LDAF1: variants seen among roughly 807,000 people sequenced by gnomAD.
LDAF1 encodes the protein PROMETHIN.
LDAF1 carries 7 observed loss-of-function variants against 13.5 expected under a neutral mutation model. The observed-to-expected ratio is 0.52, with a 90% CI of 0.29 to 0.97. LDAF1 has a LOEUF of 0.97. Among genes scored for constraint, LDAF1 ranks in the 50% least tolerant of loss-of-function variants. The pLI, the probability that LDAF1 is intolerant of heterozygous loss-of-function variation, is 0.07. For missense variants in LDAF1, 148 were observed against 193.2 expected (o/e 0.77, Z 1.39); for synonymous variants, 69 against 77.1 (o/e 0.89, Z 0.55).
intron 3 of LDAF1, 30 bp from the exon 4 acceptor site, chr16:21,173,980 A>G: frequency 6.3e-7 from 1 of 1,599,734 alleles, no homozygotes; most frequent in Non-Finnish European, 8.5e-7. Flanking sequence ...TTTGAGATGA[A>G]CCCTTCTCCT....
chr16:21,179,152 G>C (rs944986165), intron 4 of LDAF1, among the ~76,000 whole-genome samples: 1 of 152,112 alleles, frequency 6.6e-6, no homozygotes, highest in Non-Finnish European at 1.5e-5. Flanking sequence ...TTCAGTTTTT[G>C]TCCATTGGTA....
intron 4 of LDAF1, 86 bp downstream of exon 4, chr16:21,174,234 G>C (rs2093118907): frequency 7.7e-7 from 1 of 1,305,906 alleles, no homozygotes; most frequent in Non-Finnish European, 1.0e-6. Context: ...CTGTCACTCA[G>C]GCTGGAGTGC....
chr16:21,159,113 G>A (rs1007135457), intron 1 of LDAF1, among the ~76,000 whole-genome samples: 3 of 151,784 alleles, frequency 2.0e-5, no homozygotes. Flanking sequence ...AAGACGTCGA[G>A]GCAAACCTCC....
At chr16:21,164,179 C>T (rs116568560) in intron 2 of LDAF1, among the ~76,000 whole-genome samples, 306 of 152,276 alleles carry the variant, frequency 2.0e-3, no homozygotes, top group African/African-American at 7.0e-3. Context: ...AGAAGCCAAC[C>T]GCCTTTGTCT....
At chr16:21,167,053 GGCCATGCCTCGAGAGTAATCCT>G in intron 2 of LDAF1, 1 of 755,668 alleles carries the variant, frequency 1.3e-6, no homozygotes, top group South Asian at 1.7e-5. Context: ...GAGTGAAATT[GGCCATGCCTCGAGAGTAATCCT>G]TAGGAGACCA....
chr16:21,166,738 G>C (rs1267312652), intron 2 of LDAF1: 3 of 916,778 alleles, frequency 3.3e-6, no homozygotes, highest in Non-Finnish European at 5.1e-6. Flanking sequence ...GATGCATGTG[G>C]ATTCGAACTG....
chr16:21,164,244 TTTTA>T (rs2093003755), intron 2 of LDAF1, among the ~76,000 whole-genome samples: 1 of 152,040 alleles, frequency 6.6e-6, no homozygotes, highest in Non-Finnish European at 1.5e-5. Context: ...TTTTAAAATT[TTTTA>T]TTTATTTTTT....
intron 2 of LDAF1, chr16:21,165,650 C>T: frequency 1.1e-6 from 1 of 942,170 alleles, no homozygotes; most frequent in Non-Finnish European, 1.3e-6. Context: ...CTGCCTCTTG[C>T]ACATGATTGC....
chr16:21,162,411 T>C (rs1008419808), intron 2 of LDAF1, among the ~76,000 whole-genome samples: 1 of 152,154 alleles, frequency 6.6e-6, no homozygotes, highest in Non-Finnish European at 1.5e-5. Flanking sequence ...CGTTATGTTT[T>C]CTTGCATATT....
intron 4 of LDAF1, among the ~76,000 whole-genome samples, chr16:21,176,097 G>T (rs1418172451): frequency 1.3e-5 from 2 of 152,174 alleles, no homozygotes; most frequent in African/African-American, 4.8e-5. Context: ...CATATTGAGG[G>T]TGATGCTTCT....
At chr16:21,161,014 A>T in intron 1 of LDAF1, 71 bp from the exon 2 acceptor site, 1 of 1,383,328 alleles carries the variant, frequency 7.2e-7, no homozygotes, top group Non-Finnish European at 9.3e-7. Flanking sequence ...TCAAGGTATG[A>T]GGATGGTAGA....
intron 2 of LDAF1, among the ~76,000 whole-genome samples, chr16:21,164,765 A>C (rs982673518): frequency 9.8e-5 from 15 of 152,320 alleles, no homozygotes; most frequent in East Asian, 7.7e-4. Flanking sequence ...ATGGAAAATC[A>C]CAGTGCATGT....
intron 2 of LDAF1, chr16:21,166,836 T>G (rs1268138579): frequency 6.5e-7 from 1 of 1,535,656 alleles, no homozygotes; most frequent in Admixed American, 2.0e-5. Context: ...TCTTTCTCTT[T>G]CAGCTGCCCC....
At chr16:21,175,180 C>T (rs990623022) in intron 4 of LDAF1, among the ~76,000 whole-genome samples, 1 of 152,134 alleles carries the variant, frequency 6.6e-6, no homozygotes, top group African/African-American at 2.4e-5. Flanking sequence ...ATCTAAGTCC[C>T]AAGTTCATCA....
In LDAF1 at chr16:21,174,053, C is replaced by G. The variant is rs781694723; in HGVS notation, c.309C>G (p.Leu103=). The G allele has an allele frequency of 6.2e-7, 1 of 1,614,100 alleles. No homozygotes were observed. Among genetic ancestry groups the G allele is most frequent in the Non-Finnish European group, 8.5e-7 (1 of 1,179,996 alleles). Residue 103 remains leucine (L), a synonymous_variant, in exon 4 of 5, where the codon CTC becomes CTG. Transcript: ENST00000233047. ...SVGGFSLLCI[L]CGLGFVSLAM... is the part of the protein sequence containing the mutation. ...GTGGCTTCTCACTGCTCTGCATCCT[C>G]TGTGGTTTGGGCTTCGTATCACTCG...
At position 21,168,258 on chromosome 16, in the gene LDAF1, G is replaced by A. The variant is rs1446527845; in HGVS notation, c.97-2179G>A. Reference sequence around the variant, plus strand: ...TTGAACTCCTGACCTCAGGTGACCCGCCTGCCTCCACCTCCCAAAGTGCTG... The same window carrying A: ...TTGAACTCCTGACCTCAGGTGACCCACCTGCCTCCACCTCCCAAAGTGCTG... On this transcript the variant is annotated intron_variant, in intron 2 of 4. Transcript: ENST00000233047. Among the ~76,000 whole-genome samples the A allele has an allele frequency of 7.9e-5, 12 of 151,282 alleles. No homozygotes were observed. In the East Asian group the frequency reaches 9.8e-4, roughly 12 times the overall value.
chr16:21,169,578 G>A lies in LDAF1; in HGVS notation c.97-859G>A, dbSNP rs138978302. 2.4e-3 allele frequency among the ~76,000 whole-genome samples: 371 copies of A among 152,198 alleles called. 1 individual carries two copies. Among genetic ancestry groups the A allele is most frequent in the Non-Finnish European group, 4.1e-3 (282 of 68,008 alleles). On this transcript the variant is annotated intron_variant, in intron 2 of 4. Transcript: ENST00000233047. ...CCTGCCTCGACTTCCCATAATGCTG[G>A]GATTACAGATGTGAGCCACCACGCC...
At chr16:21,163,001 CAT>C (rs2152842421) in intron 2 of LDAF1, among the ~76,000 whole-genome samples, 1 of 152,294 alleles carries the variant, frequency 6.6e-6, no homozygotes, top group South Asian at 2.1e-4. Flanking sequence ...TGTTTAAAGA[CAT>C]GTTAATATAT....
chr16:21,166,903 G>T (rs1161941853), intron 2 of LDAF1: 9 of 1,535,504 alleles, frequency 5.9e-6, no homozygotes, highest in Non-Finnish European at 1.7e-6. Flanking sequence ...GGGCAGTGCT[G>T]GCTCCAAGGT....
Sources: gnomAD v4.1 joint callset for allele counts (sites outside exome capture counted in the v4.1 genomes callset) on GRCh38, gnomAD v4.1.1 for gene constraint, MANE v1.5 for transcripts, NCBI Gene and HGNC (gene_info 2026-07-23, HGNC 2026-07-21) for gene names.